The following NTRK2 variants were observed in gnomAD, a reference collection of about 807,000 sequenced individuals.
NTRK2 encodes the protein neurotrophic receptor tyrosine kinase 2.
Under a neutral mutation model 94.5 loss-of-function variants are expected in NTRK2, and 13 were observed. The observed-to-expected ratio is 0.14, with a 90% confidence interval of 0.09 to 0.22. The LOEUF is 0.22. NTRK2 is among the 10% of genes least tolerant of loss of function. The pLI, the probability that NTRK2 is intolerant of heterozygous loss-of-function variation, is 1.00. For synonymous variants in NTRK2, 372 were observed against 407.4 expected (o/e 0.91, Z 1.05); for missense variants, 639 against 1,071.2 (o/e 0.60, Z 5.63).
intron 17 of NTRK2, among the ~76,000 whole-genome samples, chr9:85,002,556 G>A (rs1268822082): frequency 1.3e-5 from 2 of 152,198 alleles, no homozygotes; most frequent in Non-Finnish European, 2.9e-5. Flanking sequence ...GAGAGGTGAT[G>A]AAGTGACCGT....
chr9:84,852,215 C>A (rs2074810448), intron 12 of NTRK2, among the ~76,000 whole-genome samples: 1 of 152,196 alleles, frequency 6.6e-6, no homozygotes. Context: ...TAAGATGATT[C>A]CCTGAGAATC....
chr9:84,875,605 C>T (rs202137914), intron 14 of NTRK2: 8 of 1,061,640 alleles, frequency 7.5e-6, no homozygotes, highest in Non-Finnish European at 9.1e-6. Context: ...AGTTACATCT[C>T]ATACATTTCC....
intron 6 of NTRK2, 36 bp from the exon 7 acceptor site, chr9:84,723,537 T>G: frequency 6.2e-7 from 1 of 1,612,998 alleles, no homozygotes; most frequent in South Asian, 1.1e-5. Context: ...ATTTAACTAT[T>G]TGCATATGCC....
chr9:84,998,534 A>G (rs919047377), intron 17 of NTRK2, among the ~76,000 whole-genome samples: 1 of 152,238 alleles, frequency 6.6e-6, no homozygotes, highest in Admixed American at 6.5e-5. Flanking sequence ...CAACGACTGT[A>G]AAAGGCATAC....
intron 12 of NTRK2, among the ~76,000 whole-genome samples, chr9:84,830,193 C>T (rs542563583): frequency 6.6e-6 from 1 of 152,350 alleles, no homozygotes; most frequent in South Asian, 2.1e-4. Context: ...CTTCATGCTT[C>T]TTCCCACCTT....
intron 17 of NTRK2, among the ~76,000 whole-genome samples, chr9:84,989,667 A>C (rs759686256): frequency 1.3e-5 from 2 of 152,220 alleles, no homozygotes; most frequent in Non-Finnish European, 2.9e-5. Context: ...AATCTGGCTC[A>C]ATTTTCTCAT....
At chr9:84,877,666 T>A (rs2076119339) in intron 14 of NTRK2, 1 of 1,063,770 alleles carries the variant, frequency 9.4e-7, no homozygotes, top group African/African-American at 1.6e-5. Context: ...CTAACTTTAT[T>A]TCCCTCTCCC....
At chr9:84,838,329 G>A (rs2073990110) in intron 12 of NTRK2, among the ~76,000 whole-genome samples, 1 of 152,090 alleles carries the variant, frequency 6.6e-6, no homozygotes, top group South Asian at 2.1e-4. Flanking sequence ...AAAGAAAATA[G>A]TGTGCAGTAA....
chr9:84,771,106 C>T (rs1028729736), intron 12 of NTRK2, among the ~76,000 whole-genome samples: 19 of 152,194 alleles, frequency 1.2e-4, no homozygotes, highest in African/African-American at 4.3e-4. Context: ...GAGCTTGAGT[C>T]ATGTCACTTT....
chr9:84,978,395 C>A (rs1392885591), intron 17 of NTRK2, among the ~76,000 whole-genome samples: 6 of 152,200 alleles, frequency 3.9e-5, no homozygotes, highest in Admixed American at 6.5e-5. Context: ...ACAGTCACAA[C>A]ATTCCCTTAA....
At chr9:84,715,534 G>T (rs921349345) in intron 6 of NTRK2, among the ~76,000 whole-genome samples, 3 of 152,060 alleles carry the variant, frequency 2.0e-5, no homozygotes, top group Non-Finnish European at 4.4e-5. Context: ...TCTTCAAACG[G>T]CCCTTCTAAA....
intron 12 of NTRK2, among the ~76,000 whole-genome samples, chr9:84,755,874 T>C (rs2065041916): frequency 6.6e-6 from 1 of 152,148 alleles, no homozygotes; most frequent in Non-Finnish European, 1.5e-5. Flanking sequence ...TAGTGTCCAA[T>C]AGGCTCCCGG....
At chr9:84,952,777 T>C (rs1419063362) in intron 16 of NTRK2, among the ~76,000 whole-genome samples, 2 of 152,182 alleles carry the variant, frequency 1.3e-5, no homozygotes, top group African/African-American at 4.8e-5. Flanking sequence ...TAAAGTGCAT[T>C]AGGCATTTGA....
chr9:84,860,453 T>C (rs10119181), intron 12 of NTRK2, among the ~76,000 whole-genome samples: 1 of 151,996 alleles, frequency 6.6e-6, no homozygotes, highest in South Asian at 2.1e-4. Flanking sequence ...AGAATTAAGA[T>C]CTTTTTTTCC....
intron 14 of NTRK2, among the ~76,000 whole-genome samples, chr9:84,923,383 T>C (rs564534622): frequency 1.3e-3 from 193 of 152,340 alleles, no homozygotes; most frequent in Middle Eastern, 6.8e-3. Flanking sequence ...GTCATTGATA[T>C]ATTTCTCTTA....
chr9:84,929,938 A>C (rs2132676978), intron 14 of NTRK2, among the ~76,000 whole-genome samples: 1 of 152,354 alleles, frequency 6.6e-6, no homozygotes, highest in Non-Finnish European at 1.5e-5. Flanking sequence ...TAAGAGCAGC[A>C]GATTGGCTGA....
chr9:85,003,479 G>C (rs1322872118), intron 17 of NTRK2, among the ~76,000 whole-genome samples: 1 of 152,138 alleles, frequency 6.6e-6, no homozygotes, highest in East Asian at 1.9e-4. Flanking sequence ...GGGAAAGAGA[G>C]CCAACGTGGC....
chr9:84,744,048 G>A (rs2063858391), intron 10 of NTRK2, among the ~76,000 whole-genome samples: 3 of 152,144 alleles, frequency 2.0e-5, no homozygotes, highest in Admixed American at 6.5e-5. Context: ...TAACAAGGTA[G>A]CCTCTTCAGG....
chr9:84,977,940 T>G (rs1312595028), intron 17 of NTRK2, among the ~76,000 whole-genome samples: 1 of 152,242 alleles, frequency 6.6e-6, no homozygotes, highest in East Asian at 1.9e-4. Context: ...CTATTGTACT[T>G]GTTTTGTGGT....
Sources: gnomAD v4.1 joint callset for allele counts (sites outside exome capture counted in the v4.1 genomes callset) on GRCh38, gnomAD v4.1.1 for gene constraint, MANE v1.5 for transcripts, NCBI Gene and HGNC (gene_info 2026-07-23, HGNC 2026-07-21) for gene names.